Variants in DISC1 observed in about 807,000 individuals in gnomAD.
DISC1 encodes the protein disrupted in schizophrenia 1 protein.
Under a neutral mutation model 84.5 loss-of-function variants are expected in DISC1, and 57 were observed. That is an observed-to-expected ratio of 0.67 (90% CI 0.55 to 0.84). The LOEUF (loss-of-function observed/expected upper bound fraction) is 0.84. Ranked by LOEUF, DISC1 falls within the 40% of genes least tolerant of loss-of-function variation. The pLI is 0.00. For missense variants in DISC1, 1,000 were observed against 1,057.8 expected, an observed-to-expected ratio of 0.95 and a Z score of 0.76; for synonymous variants, 411 against 415.2, an observed-to-expected ratio of 0.99 and a Z score of 0.12.
At chr1:231,993,118 G>A (rs933040866) in intron 10 of DISC1, among the ~76,000 whole-genome samples, 2 of 152,140 alleles carry the variant, frequency 1.3e-5, no homozygotes, top group African/African-American at 4.8e-5. Context: ...CTTGAGATGG[G>A]CCTTGATGAA....
chr1:231,744,209 C>G (rs1006725203), intron 3 of DISC1, among the ~76,000 whole-genome samples: 3 of 152,246 alleles, frequency 2.0e-5, no homozygotes, highest in Middle Eastern at 6.8e-3. Context: ...GTATTGCACA[C>G]TGGGGTTAAG....
At chr1:231,754,470 T>G (rs1476723859) in intron 4 of DISC1, among the ~76,000 whole-genome samples, 1 of 152,080 alleles carries the variant, frequency 6.6e-6, no homozygotes, top group Non-Finnish European at 1.5e-5. Context: ...CTTTTAAACA[T>G]CCAGACCTTG....
rs184952165 is a variant in DISC1 at position 231,708,958 on chromosome 1, G to T, written c.1117+6934G>T. The stretch of plus-strand genomic sequence containing the variant: ...AGCTCTTGTGTTAATCTTCAGCATT[G>T]TTCTCAGAAGAGCATAAGCTTGTAT... On this transcript the variant is annotated intron_variant, in intron 3 of 12. Coordinates refer to ENST00000439617, the MANE Select transcript of DISC1 (RefSeq NM_018662.3). Among the ~76,000 whole-genome samples the T allele has an allele frequency of 3.8e-3, 573 of 152,310 alleles. 3 individuals are homozygous for T. The highest frequency in any genetic ancestry group is 7.2e-3 in the South Asian group (35 of 4,828).
At chr1:232,022,051 A>T (rs1669010352) in intron 11 of DISC1, among the ~76,000 whole-genome samples, 1 of 152,202 alleles carries the variant, frequency 6.6e-6, no homozygotes, top group Non-Finnish European at 1.5e-5. Context: ...TGACTTTGCA[A>T]GTCAGGCAGT....
intron 1 of DISC1, among the ~76,000 whole-genome samples, chr1:231,661,156 C>A (rs1162407610): frequency 6.6e-6 from 1 of 151,706 alleles, no homozygotes; most frequent in Non-Finnish European, 1.5e-5. Flanking sequence ...CCTGGCCTTT[C>A]TTTCTGGCTG....
intron 11 of DISC1, among the ~76,000 whole-genome samples, chr1:232,010,709 GC>G (rs1427640731): frequency 6.6e-6 from 1 of 152,162 alleles, no homozygotes; most frequent in African/African-American, 2.4e-5. Flanking sequence ...GTATTTTTAT[GC>G]TTAAGTTTGA....
At chr1:231,861,630 C>T (rs74144153) in intron 9 of DISC1, among the ~76,000 whole-genome samples, 46 of 151,856 alleles carry the variant, frequency 3.0e-4, no homozygotes, top group African/African-American at 1.1e-3. Flanking sequence ...TTTTAACTTG[C>T]TTTATGTTTT....
At chr1:231,682,688 A>T (rs921005004) in intron 1 of DISC1, among the ~76,000 whole-genome samples, 2 of 152,220 alleles carry the variant, frequency 1.3e-5, no homozygotes, top group Admixed American at 6.5e-5. Flanking sequence ...ATAATTATAG[A>T]TTTATCGCAA....
chr1:231,924,557 T>C (rs1415630830), intron 9 of DISC1, among the ~76,000 whole-genome samples: 2 of 152,196 alleles, frequency 1.3e-5, no homozygotes, highest in African/African-American at 2.4e-5. Flanking sequence ...GATCCGGTGA[T>C]ACTGAGAATC....
At chr1:231,835,735 A>G (rs2082583626) in intron 9 of DISC1, among the ~76,000 whole-genome samples, 1 of 152,170 alleles carries the variant, frequency 6.6e-6, no homozygotes, top group Admixed American at 6.5e-5. Context: ...ATGGTTATCA[A>G]TCATTTTTTC....
intron 9 of DISC1, among the ~76,000 whole-genome samples, chr1:231,949,884 G>A (rs1010247751): frequency 1.3e-5 from 2 of 152,198 alleles, no homozygotes; most frequent in African/African-American, 2.4e-5. Context: ...TTGTGTATTT[G>A]TAAAAACAGA....
intron 7 of DISC1, among the ~76,000 whole-genome samples, chr1:231,797,650 A>G (rs773861985): frequency 2.0e-5 from 3 of 152,190 alleles, no homozygotes; most frequent in Non-Finnish European, 4.4e-5. Context: ...TCCTAATGCC[A>G]TCACCTTGGG....
intron 4 of DISC1, among the ~76,000 whole-genome samples, chr1:231,751,940 A>G (rs2074645064): frequency 6.6e-6 from 1 of 152,212 alleles, no homozygotes; most frequent in Non-Finnish European, 1.5e-5. Flanking sequence ...ATCTACATGT[A>G]TAGAGATCTG....
chr1:231,989,048 T>C (rs185453826), intron 10 of DISC1, among the ~76,000 whole-genome samples: 41 of 152,354 alleles, frequency 2.7e-4, no homozygotes, highest in African/African-American at 8.7e-4. Flanking sequence ...CTTTCATCCA[T>C]GTGGCTCTCA....
intron 10 of DISC1, among the ~76,000 whole-genome samples, chr1:231,981,761 CAG>C (rs1663636355): frequency 6.6e-6 from 1 of 152,122 alleles, no homozygotes; most frequent in Non-Finnish European, 1.5e-5. Flanking sequence ...GTGAAGGCCG[CAG>C]AACAAGGATG....
intron 10 of DISC1, among the ~76,000 whole-genome samples, chr1:231,981,414 A>G (rs1663590012): frequency 6.6e-6 from 1 of 152,228 alleles, no homozygotes; most frequent in Non-Finnish European, 1.5e-5. Flanking sequence ...CTGCTCTAGT[A>G]GAACAGAATC....
chr1:231,982,981 A>G (rs1398380549), intron 10 of DISC1, among the ~76,000 whole-genome samples: 1 of 152,224 alleles, frequency 6.6e-6, no homozygotes, highest in Non-Finnish European at 1.5e-5. Flanking sequence ...GGAAGTAAAG[A>G]CAAGTCTAAA....
chr1:231,977,042 C>T (rs1558800560), intron 10 of DISC1, among the ~76,000 whole-genome samples: 1 of 152,182 alleles, frequency 6.6e-6, no homozygotes. Flanking sequence ...AAAGGTCCAA[C>T]AGGAGTTCCT....
At chr1:231,868,249 C>T (rs2085199724) in intron 9 of DISC1, among the ~76,000 whole-genome samples, 1 of 152,200 alleles carries the variant, frequency 6.6e-6, no homozygotes, top group African/African-American at 2.4e-5. Context: ...CCTATCTTGT[C>T]TCCAGTTTTC....
Sources: allele counts gnomAD v4.1 joint callset (sites outside exome capture counted in the v4.1 genomes callset), GRCh38; gene constraint gnomAD v4.1.1; transcripts MANE v1.5; gene names NCBI Gene and HGNC (gene_info 2026-07-23, HGNC 2026-07-21).